The following MCUB variants were observed in gnomAD, a reference collection of about 807,000 sequenced individuals.
MCUB encodes the protein calcium uniporter regulatory subunit MCUb, mitochondrial.
In MCUB, 46 loss-of-function variants were observed where a neutral mutation model predicts 41.4. The ratio of observed to expected loss-of-function variants is 1.11; its 90% CI spans 0.88 to 1.42. MCUB has a LOEUF of 1.42. Among genes scored for constraint, MCUB ranks in the 40% most tolerant of loss-of-function variants. The pLI is 0.00. For synonymous variants in MCUB, 148 were observed against 148.2 expected, an observed-to-expected ratio of 1.00 and a Z score of 0.01; for missense variants, 403 against 404.9, an observed-to-expected ratio of 1.00 and a Z score of 0.04.
chr4:109,615,136 A>T (rs1267600234), intron 1 of MCUB, among the ~76,000 whole-genome samples: 1 of 152,196 alleles, frequency 6.6e-6, no homozygotes, highest in Admixed American at 6.5e-5. Context: ...TCCCCCTGGA[A>T]GGAACTTCAG....
chr4:109,570,556 C>A lies in MCUB; in HGVS notation c.99+10120C>A, dbSNP rs187343369. Among the ~76,000 whole-genome samples, 369 of 152,320 alleles carry A rather than the reference C, an allele frequency of 2.4e-3. 1 individual carries two copies. Among genetic ancestry groups the A allele is most frequent in the African/African-American group, 8.3e-3 (345 of 41,566 alleles). The stretch of plus-strand genomic sequence containing the variant: ...GTGCAAAAGCAGCCATAAATAGTAC[C>A]TAAATGAATAAGCATGGTTGTGTTC... On this transcript the variant is annotated intron_variant, in intron 1 of 7. Coordinates refer to ENST00000394650, the MANE Select transcript of MCUB (RefSeq NM_017918.5).
chr4:109,621,332 C>G (rs1347986739), intron 1 of MCUB, among the ~76,000 whole-genome samples: 1 of 152,094 alleles, frequency 6.6e-6, no homozygotes, highest in Non-Finnish European at 1.5e-5. Context: ...GATTAAGATA[C>G]TATTAAGAGT....
intron 1 of MCUB, among the ~76,000 whole-genome samples, chr4:109,621,329 A>G (rs1278475110): frequency 6.6e-6 from 1 of 152,218 alleles, no homozygotes; most frequent in Non-Finnish European, 1.5e-5. Flanking sequence ...AATGATTAAG[A>G]TACTATTAAG....
At chr4:109,567,000 C>A (rs1726794184) in intron 1 of MCUB, among the ~76,000 whole-genome samples, 1 of 151,956 alleles carries the variant, frequency 6.6e-6, no homozygotes, top group Non-Finnish European at 1.5e-5. Context: ...ATAATCCCAG[C>A]TACTTGTAAG....
At chr4:109,619,022 A>ACCTACCTG (rs1554017842) in intron 1 of MCUB, among the ~76,000 whole-genome samples, 4 of 134,352 alleles carry the variant, frequency 3.0e-5, no homozygotes, top group Admixed American at 7.8e-5. Flanking sequence ...CTACCTATCT[A>ACCTACCTG]CCTGCCTGCC....
At chr4:109,584,338 CTCT>C (rs1305761552) in intron 1 of MCUB, among the ~76,000 whole-genome samples, 2 of 152,116 alleles carry the variant, frequency 1.3e-5, no homozygotes, top group African/African-American at 4.8e-5. Context: ...ATTCTTCTCT[CTCT>C]TCTTCTTTAT....
At chr4:109,567,171 G>A (rs1461235917) in intron 1 of MCUB, among the ~76,000 whole-genome samples, 2 of 149,882 alleles carry the variant, frequency 1.3e-5, no homozygotes, top group East Asian at 2.0e-4. Context: ...GGACACAGGT[G>A]GTATTATATT....
intron 1 of MCUB, among the ~76,000 whole-genome samples, chr4:109,650,437 G>A (rs1018398219): frequency 1.1e-4 from 16 of 152,168 alleles, no homozygotes; most frequent in African/African-American, 3.9e-4. Flanking sequence ...TTTGTATATG[G>A]TAATTTTGGT....
intron 1 of MCUB, among the ~76,000 whole-genome samples, chr4:109,609,547 C>T (rs531444048): frequency 1.3e-5 from 2 of 152,054 alleles, no homozygotes; most frequent in African/African-American, 2.4e-5. Context: ...TATCTTGTGC[C>T]GACCTCCTAT....
At chr4:109,631,515 CA>C (rs781331133) in intron 1 of MCUB, among the ~76,000 whole-genome samples, 5 of 152,074 alleles carry the variant, frequency 3.3e-5, no homozygotes, top group African/African-American at 7.2e-5. Context: ...ATGCTTTGGA[CA>C]CAATACATGT....
intron 1 of MCUB, among the ~76,000 whole-genome samples, chr4:109,641,798 A>G (rs1427921752): frequency 1.3e-5 from 2 of 152,244 alleles, no homozygotes; most frequent in Non-Finnish European, 2.9e-5. Context: ...TTTCATATTC[A>G]TTACAACAGA....
chr4:109,592,051 T>G (rs771949870), intron 1 of MCUB, among the ~76,000 whole-genome samples: 42 of 152,206 alleles, frequency 2.8e-4, no homozygotes, highest in Non-Finnish European at 5.4e-4. Context: ...GAGGTTTCTC[T>G]TTCTGCTGTT....
rs573315894 is a variant in MCUB at position 109,662,913 on chromosome 4, C to T, written c.347-1377C>T. Among the ~76,000 whole-genome samples, 8 of 152,000 alleles carry T rather than the reference C, an allele frequency of 5.3e-5. No homozygotes were observed. In the East Asian group the frequency reaches 1.5e-3, roughly 29 times the overall value. On this transcript the variant is annotated intron_variant, in intron 3 of 7. Coordinates refer to ENST00000394650, the MANE Select transcript of MCUB (RefSeq NM_017918.5). ...GTGTTCTAAGCTTGTCACAGTTTTGCCCATTGTGTGGGTTGAATTATTTGG... is the reference window on the plus strand; with the variant it reads ...GTGTTCTAAGCTTGTCACAGTTTTGTCCATTGTGTGGGTTGAATTATTTGG...
chr4:109,674,972 A>G (rs547437597), intron 4 of MCUB, among the ~76,000 whole-genome samples: 2 of 152,336 alleles, frequency 1.3e-5, no homozygotes, highest in East Asian at 3.9e-4. Context: ...AGTATACCCA[A>G]ACTTTTATAT....
chr4:109,597,344 G>C (rs1346719162), intron 1 of MCUB, among the ~76,000 whole-genome samples: 3 of 149,490 alleles, frequency 2.0e-5, no homozygotes, highest in African/African-American at 7.4e-5. Context: ...CAGACGGGGC[G>C]GCTGGCCGGG....
At chr4:109,679,884 C>G (rs971619693) in intron 4 of MCUB, among the ~76,000 whole-genome samples, 1 of 152,140 alleles carries the variant, frequency 6.6e-6, no homozygotes, top group Non-Finnish European at 1.5e-5. Context: ...TCACTGCAAC[C>G]TCTGCCTTCT....
chr4:109,640,587 A>T (rs1728693588), intron 1 of MCUB, among the ~76,000 whole-genome samples: 1 of 152,152 alleles, frequency 6.6e-6, no homozygotes, highest in Non-Finnish European at 1.5e-5. Context: ...TCTGTCATTA[A>T]ACCTCATATA....
chr4:109,632,131 C>T (rs1211346627), intron 1 of MCUB, among the ~76,000 whole-genome samples: 2 of 152,160 alleles, frequency 1.3e-5, no homozygotes, highest in African/African-American at 2.4e-5. Context: ...TACATCCCTC[C>T]ATTATTGAAA....
At chr4:109,677,799 C>T (rs1033723460) in intron 4 of MCUB, among the ~76,000 whole-genome samples, 48 of 94,078 alleles carry the variant, frequency 5.1e-4, no homozygotes, top group Non-Finnish European at 9.2e-4. Flanking sequence ...TATAAGGAAA[C>T]AAATTTTTTT....
Sources: gnomAD v4.1 joint callset for allele counts (sites outside exome capture counted in the v4.1 genomes callset) on GRCh38, gnomAD v4.1.1 for gene constraint, MANE v1.5 for transcripts, NCBI Gene and HGNC (gene_info 2026-07-23, HGNC 2026-07-21) for gene names.